The following LEF1 variants were observed in gnomAD, a reference collection of about 807,000 sequenced individuals.
LEF1 encodes the protein lymphoid enhancer binding factor 1.
A neutral mutation model predicts 51.2 loss-of-function variants in LEF1; 14 were observed. That is an observed-to-expected ratio of 0.27 (90% CI 0.18 to 0.43). The LOEUF (loss-of-function observed/expected upper bound fraction) is 0.43. LEF1 is among the 20% of genes least tolerant of loss of function. LEF1 has a pLI of 1.00. For synonymous variants in LEF1, 185 were observed against 183.2 expected, an observed-to-expected ratio of 1.01 and a Z score of -0.08; for missense variants, 386 against 512.0, an observed-to-expected ratio of 0.75 and a Z score of 2.37.
chr4:108,125,321 G>A (rs149382381), intron 3 of LEF1, among the ~76,000 whole-genome samples: 1 of 151,938 alleles, frequency 6.6e-6, no homozygotes. Context: ...CCACCGCCAC[G>A]CCTGGTTAAT....
At chr4:108,157,229 T>C (rs975721665) in intron 3 of LEF1, among the ~76,000 whole-genome samples, 111 of 79,462 alleles carry the variant, frequency 1.4e-3, no homozygotes, top group African/African-American at 4.0e-3. Flanking sequence ...CAAACACACA[T>C]ATAGCTCTTT....
intron 4 of LEF1, 86 bp downstream of exon 4, chr4:108,089,031 ATGGAGCAC>A (rs1282867133): frequency 8.8e-6 from 12 of 1,370,064 alleles, no homozygotes; most frequent in Middle Eastern, 2.1e-4. Context: ...ACCCAGTGAC[ATGGAGCAC>A]TGGCATCTGG....
chr4:108,116,713 C>T (rs1741868074), intron 3 of LEF1, among the ~76,000 whole-genome samples: 1 of 152,140 alleles, frequency 6.6e-6, no homozygotes, highest in Non-Finnish European at 1.5e-5. Context: ...GATTCTGGGG[C>T]CTGGTGAACC....
intron 3 of LEF1, among the ~76,000 whole-genome samples, chr4:108,145,368 G>C (rs941260818): frequency 6.6e-6 from 1 of 152,188 alleles, no homozygotes; most frequent in Non-Finnish European, 1.5e-5. Context: ...GACTTGTCAA[G>C]AAGCTGACCA....
chr4:108,104,649 T>C, intron 3 of LEF1: 1 of 981,404 alleles, frequency 1.0e-6, no homozygotes, highest in African/African-American at 1.7e-5. Flanking sequence ...GGCAGACAGG[T>C]GACACCCAAA....
chr4:108,073,160 C>CA (rs1402112953), intron 8 of LEF1, among the ~76,000 whole-genome samples: 8 of 152,190 alleles, frequency 5.3e-5, no homozygotes, highest in African/African-American at 1.9e-4. Flanking sequence ...CTGAGGCACA[C>CA]AGATCACTGG....
chr4:108,126,365 G>A (rs1366591843), intron 3 of LEF1, among the ~76,000 whole-genome samples: 1 of 152,116 alleles, frequency 6.6e-6, no homozygotes, highest in Admixed American at 6.5e-5. Flanking sequence ...ATGTACATTA[G>A]GGTGTGATAG....
At chr4:108,085,682 G>A (rs1291691777) in intron 4 of LEF1, among the ~76,000 whole-genome samples, 3 of 134,166 alleles carry the variant, frequency 2.2e-5, no homozygotes, top group South Asian at 2.8e-4. Flanking sequence ...CTAGAGGACA[G>A]GTCCTATGCT....
At chr4:108,092,443 G>C (rs566233490) in intron 3 of LEF1, among the ~76,000 whole-genome samples, 1 of 152,070 alleles carries the variant, frequency 6.6e-6, no homozygotes, top group Non-Finnish European at 1.5e-5. Flanking sequence ...CTTACACTGC[G>C]GATATGTGGC....
At chr4:108,092,887 AG>A (rs1740114206) in intron 3 of LEF1, among the ~76,000 whole-genome samples, 1 of 123,264 alleles carries the variant, frequency 8.1e-6, no homozygotes, top group Non-Finnish European at 1.7e-5. Flanking sequence ...GTCAGGCAGC[AG>A]GGGGTGGGTA....
Position 108,084,525 on chromosome 4 carries a change from T to C in LEF1, c.548-1079A>G, listed in dbSNP as rs538480759. 4.6e-5 allele frequency among the ~76,000 whole-genome samples: 7 copies of C among 152,358 alleles called. No homozygotes were observed. In the South Asian group the frequency reaches 1.4e-3, roughly 32 times the overall value. On this transcript the variant is annotated intron_variant, in intron 4 of 11. Transcript: ENST00000265165. The stretch of plus-strand genomic sequence containing the variant: ...AATTTCATTTGTATCTTAAAGATAC[T>C]GAAAGCCTTCACATTGGGAATGACA...
intron 8 of LEF1, among the ~76,000 whole-genome samples, chr4:108,073,416 A>G (rs1205304628): frequency 6.6e-6 from 1 of 152,152 alleles, no homozygotes; most frequent in African/African-American, 2.4e-5. Context: ...TATTTACACA[A>G]TTAGCTTTAG....
intron 3 of LEF1, among the ~76,000 whole-genome samples, chr4:108,100,727 T>C (rs751205901): frequency 1.3e-5 from 2 of 152,302 alleles, no homozygotes; most frequent in South Asian, 2.1e-4. Flanking sequence ...AAATTGGTCA[T>C]GGTAGGATTA....
chr4:108,122,500 CAG>C (rs912242524), intron 3 of LEF1, among the ~76,000 whole-genome samples: 2 of 152,168 alleles, frequency 1.3e-5, no homozygotes, highest in Non-Finnish European at 2.9e-5. Context: ...GTTTTTGAGA[CAG>C]AGTCTCACTT....
chr4:108,062,840 G>A (rs545021416), intron 11 of LEF1, among the ~76,000 whole-genome samples: 7 of 152,156 alleles, frequency 4.6e-5, no homozygotes, highest in African/African-American at 1.7e-4. Flanking sequence ...TCTTAGAGAG[G>A]ATAACCAAAG....
At position 108,165,105 on chromosome 4, in the gene LEF1, G is replaced by T. The variant is rs776698886; in HGVS notation, c.272C>A (p.Pro91His). Residue 91 changes from proline (P) to histidine (H), a missense_variant, in exon 2 of 12, where the codon CCC becomes CAC. By Grantham distance (77) the Pro-to-His change is moderately conservative. Transcript: ENST00000265165. ...EPYHDKAREHPDDGKHPDGGL... is the reference protein window; with the variant it reads ...EPYHDKAREHHDDGKHPDGGL... ...TAGAATGGGTGTCTTACCGTCATCG[G>T]GGTGTTCTCTGGCCTTGTCGTGGTA... 2 of 1,613,872 alleles carry T rather than the reference G, an allele frequency of 1.2e-6. No individual in the cohort carries two copies. The highest frequency in any genetic ancestry group is 2.2e-5 in the East Asian group (1 of 44,890).
At chr4:108,054,608 A>G (rs1737204925) in intron 11 of LEF1, among the ~76,000 whole-genome samples, 2 of 152,226 alleles carry the variant, frequency 1.3e-5, no homozygotes, top group South Asian at 4.1e-4. Flanking sequence ...TTCCAACTTC[A>G]CACGACACAT....
rs143450915 is a variant in LEF1, at chr4:108,100,650, C to G, written c.415-11393G>C. Among the ~76,000 whole-genome samples the G allele has an allele frequency of 5.3e-5, 8 of 152,186 alleles. 1 individual carries two copies. The highest frequency in any genetic ancestry group is 1.7e-4 in the African/African-American group (7 of 41,510). On this transcript the variant is annotated intron_variant, in intron 3 of 11. Coordinates refer to ENST00000265165, the MANE Select transcript of LEF1 (RefSeq NM_016269.5). ...AGTAGTGTCCAGGAGCCGGCTTGTT[C>G]TAGCTCAGAGACCTGATGGCTAAAT...
chr4:108,081,292 C>G (rs1225145005), intron 6 of LEF1, among the ~76,000 whole-genome samples: 5 of 152,156 alleles, frequency 3.3e-5, no homozygotes, highest in African/African-American at 9.7e-5. Flanking sequence ...GTCCGCTTTC[C>G]GGACAGTTCC....
Sources: allele counts gnomAD v4.1 joint callset (sites outside exome capture counted in the v4.1 genomes callset), GRCh38; gene constraint gnomAD v4.1.1; transcripts MANE v1.5; gene names NCBI Gene and HGNC (gene_info 2026-07-23, HGNC 2026-07-21).